NBAS: variants seen among roughly 807,000 people sequenced by gnomAD.
NBAS encodes the protein NAG/BC035112 fusion.
NBAS carries 219 observed loss-of-function variants against 302.5 expected under a neutral mutation model. The observed-to-expected ratio is 0.72, with a 90% CI of 0.65 to 0.81. The LOEUF (loss-of-function observed/expected upper bound fraction) is 0.81, where lower values mean the gene tolerates loss of function less well. Ranked by LOEUF, NBAS falls within the 30% of genes least tolerant of loss-of-function variation. The probability of loss-of-function intolerance (pLI) is 0.00; values close to 1 mark genes in which losing one functional copy is unlikely to be tolerated. For synonymous variants in NBAS, 1,118 were observed against 1,021.6 expected, an observed-to-expected ratio of 1.09 and a Z score of -1.80; for missense variants, 2,932 against 2,841.6, an observed-to-expected ratio of 1.03 and a Z score of -0.72.
At chr2:15,044,794 T>C in the NBAS span, among the ~76,000 whole-genome samples, 2 of 152,216 alleles carry the variant, frequency 1.3e-5, no homozygotes, top group Non-Finnish European at 2.9e-5. Context: ...TACCCTAGCT[T>C]TCATGCCTCT....
chr2:15,008,948 AG>A, the NBAS span, among the ~76,000 whole-genome samples: 1 of 152,128 alleles, frequency 6.6e-6, no homozygotes, highest in African/African-American at 2.4e-5. Flanking sequence ...AAATTTAATA[AG>A]TGAAAAAACT....
chr2:15,120,151 G>A, the NBAS span, among the ~76,000 whole-genome samples: 7 of 152,196 alleles, frequency 4.6e-5, no homozygotes, highest in African/African-American at 1.7e-4. Context: ...TCTCCAATGT[G>A]TACCTCTTAA....
At chr2:15,361,824 C>A (rs1673941502) in intron 32 of NBAS, among the ~76,000 whole-genome samples, 1 of 150,916 alleles carries the variant, frequency 6.6e-6, no homozygotes, top group South Asian at 2.1e-4. Flanking sequence ...ACTAAAAATA[C>A]AAAAAATTAG....
At chr2:14,990,163 A>G in the NBAS span, among the ~76,000 whole-genome samples, 4 of 151,146 alleles carry the variant, frequency 2.6e-5, no homozygotes, top group African/African-American at 9.7e-5. Context: ...CTGTAACCCC[A>G]GTGCTTTGGG....
chr2:14,899,420 T>C, the NBAS span, among the ~76,000 whole-genome samples: 1 of 152,244 alleles, frequency 6.6e-6, no homozygotes, highest in Non-Finnish European at 1.5e-5. Context: ...GATCATTTTT[T>C]AGTTTCTGGT....
chr2:14,905,829 G>C, the NBAS span, among the ~76,000 whole-genome samples: 1 of 152,078 alleles, frequency 6.6e-6, no homozygotes, highest in Non-Finnish European at 1.5e-5. Flanking sequence ...AAATCCCATC[G>C]AGGCTCAAAG....
In NBAS at chr2:15,539,340, T is replaced by A. The variant is rs780270793; in HGVS notation, c.396A>T (p.Lys132Asn). Residue 132 changes from lysine (K) to asparagine (N), a missense_variant, in exon 7 of 52, where the codon AAA (lysine) becomes AAT (asparagine). Coordinates refer to ENST00000281513, the MANE Select transcript of NBAS (RefSeq NM_015909.4). Reference sequence around the variant, plus strand: ...TCCATGCTACCCGTCTCCACTGGGGTTTCGGGTCTTTCGGAACTAGAACAA... The same window carrying A: ...TCCATGCTACCCGTCTCCACTGGGGATTCGGGTCTTTCGGAACTAGAACAA... Reference protein sequence around the residue: ...IGKCQVPKDPKPQWRRVAWSY... With the variant: ...IGKCQVPKDPNPQWRRVAWSY... The A allele has an allele frequency of 6.2e-7, 1 of 1,614,164 alleles. No homozygotes were observed.
At chr2:14,838,256 A>T in the NBAS span, among the ~76,000 whole-genome samples, 1 of 151,806 alleles carries the variant, frequency 6.6e-6, no homozygotes, top group East Asian at 1.9e-4. Flanking sequence ...TTTATTTTCC[A>T]TTCATTATTT....
At chr2:15,528,122 A>G (rs997011074) in intron 9 of NBAS, among the ~76,000 whole-genome samples, 7 of 151,652 alleles carry the variant, frequency 4.6e-5, no homozygotes, top group Non-Finnish European at 7.4e-5. Context: ...ATTTCCCAAA[A>G]CTACACTATG....
intron 30 of NBAS, among the ~76,000 whole-genome samples, chr2:15,375,366 A>G (rs1173156453): frequency 6.6e-6 from 1 of 152,208 alleles, no homozygotes; most frequent in African/African-American, 2.4e-5. Flanking sequence ...TGATGAATAA[A>G]CTCATTCTCT....
At chr2:14,795,110 A>G in the NBAS span, among the ~76,000 whole-genome samples, 1 of 152,174 alleles carries the variant, frequency 6.6e-6, no homozygotes, top group South Asian at 2.1e-4. Flanking sequence ...TGTCTTAGGT[A>G]ATCCTTTAGA....
At chr2:15,097,199 C>T in the NBAS span, among the ~76,000 whole-genome samples, 1 of 152,096 alleles carries the variant, frequency 6.6e-6, no homozygotes, top group Non-Finnish European at 1.5e-5. Context: ...TGTTAATTGT[C>T]TGGGACTTCC....
chr2:15,246,907 C>A (rs1004848666), intron 44 of NBAS, among the ~76,000 whole-genome samples: 7 of 152,152 alleles, frequency 4.6e-5, no homozygotes, highest in Non-Finnish European at 8.8e-5. Flanking sequence ...GCATGATCAT[C>A]CTACAACTAC....
chr2:15,425,974 A>G (rs1572831265), intron 22 of NBAS, among the ~76,000 whole-genome samples: 5 of 152,002 alleles, frequency 3.3e-5, no homozygotes, highest in Admixed American at 2.6e-4. Context: ...CCTCTCCCCA[A>G]GCATGAATAC....
chr2:15,207,439 G>A (rs1572449687), intron 48 of NBAS, among the ~76,000 whole-genome samples: 1 of 152,150 alleles, frequency 6.6e-6, no homozygotes, highest in Admixed American at 6.5e-5. Context: ...TTTCAGTTAA[G>A]GCTGGAATGA....
intron 47 of NBAS, among the ~76,000 whole-genome samples, chr2:15,227,908 G>A (rs911914994): frequency 1.3e-5 from 2 of 151,994 alleles, no homozygotes; most frequent in Non-Finnish European, 2.9e-5. Flanking sequence ...CAAGACAAAA[G>A]TATTATAAAA....
intron 31 of NBAS, among the ~76,000 whole-genome samples, chr2:15,368,720 G>T (rs1286086917): frequency 6.6e-6 from 1 of 152,108 alleles, no homozygotes; most frequent in Non-Finnish European, 1.5e-5. Flanking sequence ...AGTAACATGA[G>T]GCTTGGCCCT....
At chr2:14,916,084 G>A in the NBAS span, among the ~76,000 whole-genome samples, 1 of 152,188 alleles carries the variant, frequency 6.6e-6, no homozygotes, top group South Asian at 2.1e-4. Context: ...TAACCTCCCT[G>A]AGATTTTTTT....
Position 15,440,876 on chromosome 2 carries a change from C to T in NBAS, c.2340-13082G>A, listed in dbSNP as rs559774401. 7.7e-3 allele frequency among the ~76,000 whole-genome samples: 1,171 copies of T among 151,764 alleles called. 30 individuals are homozygous for T. The highest frequency in any genetic ancestry group is 0.026 in the African/African-American group (1,054 of 41,268). On this transcript the variant is annotated intron_variant, in intron 21 of 51. Coordinates refer to ENST00000281513, the MANE Select transcript of NBAS (RefSeq NM_015909.4). ...TGAAGAATGCAGAAGCCTCAGGAGC[C>T]GATGCGATCAACTGGAAGAAAGGGT...
Sources: gnomAD v4.1 joint callset for allele counts (sites outside exome capture counted in the v4.1 genomes callset) on GRCh38, gnomAD v4.1.1 for gene constraint, MANE v1.5 for transcripts, NCBI Gene and HGNC (gene_info 2026-07-23, HGNC 2026-07-21) for gene names.